The following GANC variants were observed in gnomAD, a reference collection of about 807,000 sequenced individuals.
GANC encodes glucosidase alpha, neutral C, also known as neutral alpha-glucosidase C.
GANC carries 117 observed loss-of-function variants against 124.2 expected under a neutral mutation model. The observed-to-expected ratio is 0.94, with a 90% CI of 0.81 to 1.10. GANC has a LOEUF of 1.10. Among genes scored for constraint, GANC ranks in the 50% least tolerant of loss-of-function variants. The probability of loss-of-function intolerance (pLI) is 0.00; values close to 1 mark genes in which losing one functional copy is unlikely to be tolerated. For synonymous variants in GANC, 377 were observed against 376.8 expected, an observed-to-expected ratio of 1.00 and a Z score of -0.01; for missense variants, 1,140 against 1,095.0, an observed-to-expected ratio of 1.04 and a Z score of -0.58.
chr15:42,321,478 C>G (rs1177254310), intron 10 of GANC, among the ~76,000 whole-genome samples: 1 of 152,188 alleles, frequency 6.6e-6, no homozygotes, highest in African/African-American at 2.4e-5. Flanking sequence ...GGTTTTATCT[C>G]CTCTGTGAAG....
At position 42,352,633 on chromosome 15, in the gene GANC, C is replaced by T; in HGVS notation, c.*494C>T. 1 of 991,554 alleles carries T rather than the reference C, an allele frequency of 1.0e-6. No individual in the cohort carries two copies. Among genetic ancestry groups the T allele is most frequent in the Non-Finnish European group, 1.2e-6 (1 of 833,036 alleles). The allele number at this position is 991,554 out of a possible 1,614,324, so 61.4% of individuals were successfully genotyped here. ...ATGGACTGGGCAGAGCAGCCCTCTTCTGTGTGCACTGCATACGCTGCAGCC... is the reference window on the plus strand; with the variant it reads ...ATGGACTGGGCAGAGCAGCCCTCTTTTGTGTGCACTGCATACGCTGCAGCC... On this transcript the variant is annotated 3_prime_UTR_variant, in exon 24 of 24. Transcript: ENST00000318010.
At chr15:42,285,628 C>T (rs1177619910) in intron 3 of GANC, among the ~76,000 whole-genome samples, 1 of 152,078 alleles carries the variant, frequency 6.6e-6, no homozygotes, top group Non-Finnish European at 1.5e-5. Flanking sequence ...AACCCCATCT[C>T]TATTAAAAAT....
At chr15:42,293,308 A>G (rs1436644899) in intron 5 of GANC, among the ~76,000 whole-genome samples, 1 of 152,236 alleles carries the variant, frequency 6.6e-6, no homozygotes, top group African/African-American at 2.4e-5. Flanking sequence ...TTCTGGGACC[A>G]TCTGCTTGAT....
chr15:42,334,874 G>T (rs1412808203), intron 15 of GANC, among the ~76,000 whole-genome samples: 1 of 152,032 alleles, frequency 6.6e-6, no homozygotes, highest in Non-Finnish European at 1.5e-5. Flanking sequence ...TAGGAGAAAT[G>T]GATAAATTCC....
intron 10 of GANC, among the ~76,000 whole-genome samples, chr15:42,317,117 C>T (rs2052113480): frequency 1.3e-5 from 2 of 152,090 alleles, no homozygotes; most frequent in Admixed American, 6.5e-5. Context: ...TGCCTCGGCA[C>T]CTGGGTAATC....
rs138504922 is a variant in GANC, at chr15:42,339,681, G to A, written c.1856G>A (p.Gly619Glu). The A allele has an allele frequency of 2.5e-6, 4 of 1,612,812 alleles. No homozygotes were observed. The highest frequency in any genetic ancestry group is 3.4e-6 in the Non-Finnish European group (4 of 1,179,036). Residue 619 changes from glycine (G) to glutamate (E), a missense_variant, in exon 17 of 24, where the codon GGG (glycine) becomes GAG (glutamate). Coordinates refer to ENST00000318010, the MANE Select transcript of GANC (RefSeq NM_198141.3). ...CTTTTGCTTCCAGCTGACATAGGCGGGTTCATTGGGAATCCAGAGACAGAG... is the reference window on the plus strand; with the variant it reads ...CTTTTGCTTCCAGCTGACATAGGCGAGTTCATTGGGAATCCAGAGACAGAG... The part of the protein sequence containing the change: ...GISFCGADIG[G>E]FIGNPETELL...
chr15:42,283,633 A>G (rs942677733), intron 3 of GANC: 9 of 702,330 alleles, frequency 1.3e-5, no homozygotes, highest in Non-Finnish European at 2.3e-5. Context: ...GTTTCACCAG[A>G]GACAACACTT....
chr15:42,273,385 G>C lies in GANC; in HGVS notation c.-1097G>C. On this transcript the variant is annotated 5_prime_UTR_variant, in exon 1 of 24. Transcript: ENST00000318010. ...AATGACAGGCAACACCTGAAGCCAC[G>C]CAGCCGCCGCCATCTTCACAGCCGT... The C allele has an allele frequency of 6.2e-7, 1 of 1,614,022 alleles. No individual in the cohort carries two copies.
At chr15:42,288,298 ATTTTAC>A (rs1433666934) in intron 4 of GANC, among the ~76,000 whole-genome samples, 1 of 152,168 alleles carries the variant, frequency 6.6e-6, no homozygotes, top group Non-Finnish European at 1.5e-5. Flanking sequence ...CTAACATGTA[ATTTTAC>A]TTAGTGTCAA....
chr15:42,302,785 A>C (rs2051958890), intron 6 of GANC, among the ~76,000 whole-genome samples: 1 of 152,078 alleles, frequency 6.6e-6, no homozygotes, highest in African/African-American at 2.4e-5. Flanking sequence ...TGGAATAAAG[A>C]GTGAAGACAA....
At chr15:42,326,708 C>T (rs539037412) in intron 12 of GANC, among the ~76,000 whole-genome samples, 1 of 152,104 alleles carries the variant, frequency 6.6e-6, no homozygotes, top group Non-Finnish European at 1.5e-5. Context: ...GATAAAAAGT[C>T]GGGGAATAAG....
intron 12 of GANC, 34 bp downstream of exon 12, chr15:42,326,458 C>A: frequency 6.2e-7 from 1 of 1,613,166 alleles, no homozygotes; most frequent in East Asian, 2.2e-5. Flanking sequence ...ATTATTTCCA[C>A]ATGTTCTGTC....
At chr15:42,284,436 T>C (rs752418899) in intron 3 of GANC, 43 of 160,122 alleles carry the variant, frequency 2.7e-4, no homozygotes, top group Non-Finnish European at 4.8e-4. Context: ...CAAGTTTTAA[T>C]TGTTTTTATT....
At chr15:42,309,974 G>A (rs934666081) in intron 8 of GANC, among the ~76,000 whole-genome samples, 3 of 152,076 alleles carry the variant, frequency 2.0e-5, no homozygotes, top group Admixed American at 6.5e-5. Context: ...AGCCAAGATC[G>A]CACCACTGCA....
At chr15:42,347,886 C>T (rs2052379723) in intron 20 of GANC, among the ~76,000 whole-genome samples, 1 of 152,108 alleles carries the variant, frequency 6.6e-6, no homozygotes, top group Non-Finnish European at 1.5e-5. Context: ...TGGGAAGTTT[C>T]CCTAATAATT....
At chr15:42,298,021 G>A (rs1324854843) in intron 6 of GANC, among the ~76,000 whole-genome samples, 1 of 152,176 alleles carries the variant, frequency 6.6e-6, no homozygotes, top group Non-Finnish European at 1.5e-5. Context: ...CATGAGGAGT[G>A]TTACAAAATG....
chr15:42,342,286 C>CT lies in GANC; in HGVS notation c.2153-789dup, dbSNP rs2052333702. ...AAGCAAATTTAATAATCCAGATTGC[C>CT]TTTAAGAAAACTAGAGGCCAGGCAT... On this transcript the variant is annotated intron_variant, in intron 18 of 23. Transcript: ENST00000318010. Among the ~76,000 whole-genome samples, 5 of 152,206 alleles carry CT rather than the reference C, an allele frequency of 3.3e-5. No homozygotes were observed. The South Asian group carries it at 1.0e-3, about 32-fold the overall frequency.
At chr15:42,281,249 T>A in intron 3 of GANC, 1 of 627,526 alleles carries the variant, frequency 1.6e-6, no homozygotes, top group Non-Finnish European at 2.8e-6. Context: ...TCCATTTTAA[T>A]GTCCTCCTTG....
Position 42,310,423 on chromosome 15 carries a change from C to A in GANC, c.863C>A (p.Ser288Ter), listed in dbSNP as rs35285091. 1 of 1,613,392 alleles carries A rather than the reference C, an allele frequency of 6.2e-7. No homozygotes were observed. Among genetic ancestry groups the A allele is most frequent in the Non-Finnish European group, 8.5e-7 (1 of 1,179,638 alleles). ...RTIGIFWLNA[S>*]ETLVEINTEP... ...ATAGGTATTTTCTGGCTGAATGCCT[C>A]GGAAACACTGGTGGAGATCAATACA... Residue 288 changes from serine to a stop codon, truncating the protein, a stop_gained, in exon 9 of 24, where the codon TCG becomes TAG. Transcript: ENST00000318010. LOFTEE classifies it high-confidence loss of function.
Sources: allele counts gnomAD v4.1 joint callset (sites outside exome capture counted in the v4.1 genomes callset), GRCh38; gene constraint gnomAD v4.1.1; transcripts MANE v1.5; gene names NCBI Gene and HGNC (gene_info 2026-07-23, HGNC 2026-07-21).